SLC24A2: variants seen among roughly 807,000 people sequenced by gnomAD.
SLC24A2 encodes the protein sodium/potassium/calcium exchanger 2.
In SLC24A2, 36 loss-of-function variants were observed where a neutral mutation model predicts 62.0. That is an observed-to-expected ratio of 0.58 (90% CI 0.44 to 0.77). SLC24A2 has a LOEUF of 0.77. Among genes scored for constraint, SLC24A2 ranks in the 30% least tolerant of loss-of-function variants. The pLI, the probability that SLC24A2 is intolerant of heterozygous loss-of-function variation, is 0.00. For synonymous variants in SLC24A2, 358 were observed against 294.0 expected (o/e 1.22, Z -2.23); for missense variants, 846 against 817.9 (o/e 1.03, Z -0.42).
the SLC24A2 span, among the ~76,000 whole-genome samples, chr9:20,281,019 T>C: frequency 7.5e-4 from 114 of 152,248 alleles, no homozygotes; most frequent in African/African-American, 2.7e-3. Flanking sequence ...AGCCTCGACT[T>C]CCTGGGATGA....
intron 5 of SLC24A2, among the ~76,000 whole-genome samples, chr9:19,588,891 G>A (rs902931838): frequency 6.6e-6 from 1 of 152,202 alleles, no homozygotes; most frequent in Non-Finnish European, 1.5e-5. Flanking sequence ...AACCTGGGAG[G>A]CGGAGGTGGC....
At chr9:19,965,218 C>G in the SLC24A2 span, among the ~76,000 whole-genome samples, 6 of 151,950 alleles carry the variant, frequency 3.9e-5, 1 homozygote. Flanking sequence ...GAATCATTAC[C>G]CCAGCACTGA....
chr9:19,536,124 A>C (rs1833959445), intron 8 of SLC24A2, among the ~76,000 whole-genome samples: 1 of 148,568 alleles, frequency 6.7e-6, no homozygotes, highest in Non-Finnish European at 1.5e-5. Context: ...GAGTTCACTC[A>C]TGATTTGGCT....
the SLC24A2 span, among the ~76,000 whole-genome samples, chr9:20,164,740 T>C: frequency 2.0e-5 from 3 of 151,726 alleles, no homozygotes; most frequent in Non-Finnish European, 4.4e-5. Context: ...CACCCAAATG[T>C]CCAACAATGA....
At chr9:20,053,605 G>A in the SLC24A2 span, among the ~76,000 whole-genome samples, 1 of 152,086 alleles carries the variant, frequency 6.6e-6, no homozygotes, top group Non-Finnish European at 1.5e-5. Flanking sequence ...GGATGATTAG[G>A]TCATGAGGGT....
intron 2 of SLC24A2, among the ~76,000 whole-genome samples, chr9:19,785,530 T>C (rs1823138654): frequency 6.6e-6 from 1 of 152,222 alleles, no homozygotes. Context: ...TGGTTCTTTC[T>C]TGGTAATTGC....
chr9:20,280,298 T>C, the SLC24A2 span, among the ~76,000 whole-genome samples: 1 of 152,038 alleles, frequency 6.6e-6, no homozygotes, highest in South Asian at 2.1e-4. Context: ...CAAGGTACCA[T>C]TTTTTTGTAC....
Position 19,573,485 on chromosome 9 carries a change from A to AACACACACACACAC in SLC24A2, c.1229-30_1229-17dup, listed in dbSNP as rs59489637. 294 of 819,412 alleles carry AACACACACACACAC rather than the reference A, an allele frequency of 3.6e-4. 2 individuals carry two copies. In the African/African-American group the frequency reaches 3.6e-3, roughly 10 times the overall value. The allele number at this position is 819,412 out of a possible 1,614,324, so 50.8% of individuals were successfully genotyped here. A position where few individuals can be genotyped will look rare whatever the true frequency, so the allele number is the denominator to read the frequency against. ...TCAATTTTTTCTGTGATATAATTTA[A>AACACACACACACAC]ACACACACACACACACACACACACA... On this transcript the variant is annotated splice_polypyrimidine_tract_variant and intron_variant, in intron 6 of 10. Transcript: ENST00000341998.
the SLC24A2 span, among the ~76,000 whole-genome samples, chr9:19,987,049 T>A: frequency 5.9e-5 from 9 of 152,012 alleles, no homozygotes; most frequent in African/African-American, 2.2e-4. Context: ...AACAGGAGAA[T>A]GGTAATAGAC....
the SLC24A2 span, among the ~76,000 whole-genome samples, chr9:20,237,952 A>ATGTC: frequency 6.6e-6 from 1 of 152,168 alleles, no homozygotes; most frequent in East Asian, 1.9e-4. Flanking sequence ...ATTTACTGAA[A>ATGTC]TGTCCCAGAA....
intron 2 of SLC24A2, among the ~76,000 whole-genome samples, chr9:19,785,187 T>C (rs1222966818): frequency 1.3e-5 from 2 of 152,246 alleles, no homozygotes; most frequent in Admixed American, 1.3e-4. Flanking sequence ...TCTAAGCTCT[T>C]TACCAATCTG....
chr9:19,969,226 C>G, the SLC24A2 span, among the ~76,000 whole-genome samples: 2 of 150,496 alleles, frequency 1.3e-5, no homozygotes, highest in African/African-American at 2.5e-5. Flanking sequence ...CACACACACA[C>G]TTCTTCCTCC....
At chr9:19,559,110 T>C (rs1267622752) in intron 7 of SLC24A2, among the ~76,000 whole-genome samples, 2 of 152,222 alleles carry the variant, frequency 1.3e-5, no homozygotes, top group South Asian at 2.1e-4. Flanking sequence ...ATTTGGCACA[T>C]AGTGAACACT....
the SLC24A2 span, among the ~76,000 whole-genome samples, chr9:20,027,264 A>G: frequency 1.3e-5 from 2 of 152,338 alleles, no homozygotes; most frequent in Admixed American, 1.3e-4. Flanking sequence ...TATTAAAAAT[A>G]GAACTACCAT....
intron 8 of SLC24A2, among the ~76,000 whole-genome samples, chr9:19,532,338 C>G (rs1833749039): frequency 6.6e-6 from 1 of 152,104 alleles, no homozygotes; most frequent in Non-Finnish European, 1.5e-5. Context: ...TCAGATGATC[C>G]TCCTGCCTCG....
At chr9:20,212,827 C>G in the SLC24A2 span, among the ~76,000 whole-genome samples, 1 of 151,218 alleles carries the variant, frequency 6.6e-6, no homozygotes, top group Non-Finnish European at 1.5e-5. Flanking sequence ...TATATGTATA[C>G]TGAAATACAA....
At chr9:20,302,657 T>A in the SLC24A2 span, among the ~76,000 whole-genome samples, 1 of 152,230 alleles carries the variant, frequency 6.6e-6, no homozygotes, top group African/African-American at 2.4e-5. Context: ...TTTGCAAATA[T>A]ATTCTCCCAG....
intron 7 of SLC24A2, among the ~76,000 whole-genome samples, chr9:19,569,636 C>A (rs973917016): frequency 3.9e-5 from 6 of 152,174 alleles, no homozygotes; most frequent in Non-Finnish European, 7.3e-5. Context: ...TCAAATGCAA[C>A]CTCTAAGACA....
chr9:20,005,767 C>T, the SLC24A2 span, among the ~76,000 whole-genome samples: 1 of 150,948 alleles, frequency 6.6e-6, no homozygotes, highest in Non-Finnish European at 1.5e-5. Context: ...AAGCCAAAGG[C>T]CAGTGATTTA....
Sources: allele counts gnomAD v4.1 joint callset (sites outside exome capture counted in the v4.1 genomes callset), GRCh38; gene constraint gnomAD v4.1.1; transcripts MANE v1.5; gene names NCBI Gene and HGNC (gene_info 2026-07-23, HGNC 2026-07-21).